Variants in MED12L observed in about 807,000 individuals in gnomAD.
The protein encoded by MED12L is mediator of RNA polymerase II transcription subunit 12-like protein.
Under a neutral mutation model 281.3 loss-of-function variants are expected in MED12L, and 60 were observed. That is an observed-to-expected ratio of 0.21 (90% confidence interval 0.17 to 0.26). The LOEUF is 0.26. Among genes scored for constraint, MED12L ranks in the 10% least tolerant of loss-of-function variants. MED12L has a pLI of 1.00. For synonymous variants in MED12L, 974 were observed against 987.2 expected, an observed-to-expected ratio of 0.99 and a Z score of 0.25; for missense variants, 2,146 against 2,680.9, an observed-to-expected ratio of 0.80 and a Z score of 4.41.
chr3:151,368,549 G>A lies in MED12L; in HGVS notation c.3550+298G>A, dbSNP rs185737465. Among the ~76,000 whole-genome samples, 294 of 151,242 alleles carry A rather than the reference G, an allele frequency of 1.9e-3. 1 individual carries two copies. The highest frequency in any genetic ancestry group is 2.4e-3 in the Non-Finnish European group (163 of 67,876). On this transcript the variant is annotated intron_variant, in intron 25 of 44. Transcript: ENST00000687756. ...GTCCTCTCACGTACTGTGTGTGTTGGTTCTGAACCACATCACAGCAGCTTA... is the reference window on the plus strand; with the variant it reads ...GTCCTCTCACGTACTGTGTGTGTTGATTCTGAACCACATCACAGCAGCTTA...
intron 38 of MED12L, 79 bp from the exon 39 acceptor site, chr3:151,394,577 A>C: frequency 6.3e-7 from 1 of 1,580,204 alleles, no homozygotes; most frequent in Non-Finnish European, 8.6e-7. Flanking sequence ...TAGAAGGTGA[A>C]ATTTCTGTGT....
chr3:151,143,706 C>T (rs377661003), intron 5 of MED12L, among the ~76,000 whole-genome samples: 2 of 152,072 alleles, frequency 1.3e-5, no homozygotes, highest in African/African-American at 4.8e-5. Context: ...AAGACCTGGC[C>T]AGAGGAGTGC....
intron 13 of MED12L, among the ~76,000 whole-genome samples, chr3:151,190,202 G>A (rs1177107132): frequency 1.1e-4 from 17 of 148,640 alleles, no homozygotes; most frequent in African/African-American, 2.5e-4. Flanking sequence ...ATGGAGTTTC[G>A]CTCTTGTCGC....
chr3:151,409,190 A>G (rs1209683450), intron 39 of MED12L, 53 bp from the exon 40 acceptor site: 3 of 1,416,706 alleles, frequency 2.1e-6, no homozygotes, highest in Non-Finnish European at 2.9e-6. Flanking sequence ...CCAGAAGCTC[A>G]AATCAAGCCC....
In MED12L at chr3:151,211,500, C is replaced by T. The variant is rs559285716; in HGVS notation, c.2250+17834C>T. 1.9e-4 allele frequency among the ~76,000 whole-genome samples: 29 copies of T among 150,994 alleles called. No individual in the cohort carries two copies. In the South Asian group the frequency reaches 5.0e-3, roughly 26 times the overall value. ...AATTTTCGTTTTTTATTTTTTGAGA[C>T]GGTCTGATTGACCCAGAATTGGGAA... is the stretch of plus-strand genomic sequence containing the variant. On this transcript the variant is annotated intron_variant, in intron 16 of 44. Coordinates refer to ENST00000687756, the MANE Select transcript of MED12L (RefSeq NM_001393769.1).
rs558714560 is a variant in MED12L, at chr3:151,298,727, A to G, written c.2251-51332A>G. Among the ~76,000 whole-genome samples, 91 of 152,348 alleles carry G rather than the reference A, an allele frequency of 6.0e-4. 1 individual carries two copies. Among genetic ancestry groups the G allele is most frequent in the African/African-American group, 2.1e-3 (89 of 41,590 alleles). ...AATAGGTTTGTGCATGTGTGTGTAC[A>G]GGACTGAGTGTGTGTGTTGGGGAAT... On this transcript the variant is annotated intron_variant, in intron 16 of 44. Coordinates refer to ENST00000687756, the MANE Select transcript of MED12L (RefSeq NM_001393769.1).
intron 16 of MED12L, among the ~76,000 whole-genome samples, chr3:151,207,660 A>G (rs1263171932): frequency 6.6e-6 from 1 of 152,182 alleles, no homozygotes; most frequent in Non-Finnish European, 1.5e-5. Flanking sequence ...AGGTGAATCT[A>G]CCAACATTGG....
chr3:151,238,862 G>A (rs1733470167), intron 16 of MED12L, among the ~76,000 whole-genome samples: 1 of 152,136 alleles, frequency 6.6e-6, no homozygotes, highest in South Asian at 2.1e-4. Flanking sequence ...TTGTATAATT[G>A]AGTTATAAGC....
At chr3:151,236,328 G>A (rs927191448) in intron 16 of MED12L, among the ~76,000 whole-genome samples, 1 of 152,166 alleles carries the variant, frequency 6.6e-6, no homozygotes, top group Non-Finnish European at 1.5e-5. Context: ...GTGCATAGTA[G>A]ATTAACATAT....
At chr3:151,104,452 T>A (rs1004767944) in intron 2 of MED12L, among the ~76,000 whole-genome samples, 2 of 152,148 alleles carry the variant, frequency 1.3e-5, no homozygotes, top group African/African-American at 2.4e-5. Flanking sequence ...TAGAAATCAG[T>A]CCCTATTGCT....
intron 16 of MED12L, chr3:151,269,690 A>G (rs1410869147): frequency 2.4e-6 from 1 of 417,706 alleles, no homozygotes; most frequent in Non-Finnish European, 4.6e-6. Context: ...TTACAGAAAG[A>G]TTTTTATTTT....
chr3:151,237,904 T>C (rs1347533598), intron 16 of MED12L, among the ~76,000 whole-genome samples: 1 of 152,220 alleles, frequency 6.6e-6, no homozygotes, highest in Admixed American at 6.5e-5. Context: ...GGGTTGTTTA[T>C]GCTGTTACTG....
chr3:151,415,285 C>T (rs900232208), intron 42 of MED12L, among the ~76,000 whole-genome samples: 1 of 152,174 alleles, frequency 6.6e-6, no homozygotes, highest in African/African-American at 2.4e-5. Context: ...CAGGATTATA[C>T]TTCTTTTTTG....
rs150238875 is a variant in MED12L, at chr3:151,213,652, C to T, written c.2250+19986C>T. 7.4e-6 allele frequency: 12 copies of T among 1,613,922 alleles called. No homozygotes were observed. Among genetic ancestry groups the T allele is most frequent in the East Asian group, 2.2e-5 (1 of 44,896 alleles). On this transcript the variant is annotated intron_variant, in intron 16 of 44. Coordinates refer to ENST00000687756, the MANE Select transcript of MED12L (RefSeq NM_001393769.1). The stretch of plus-strand genomic sequence containing the variant: ...TTTCTTTTTGACCGAAGTGGAATTC[C>T]GACTTGACTTAAGGTGGGACTTAAA...
chr3:151,403,848 A>G (rs1236992888), intron 39 of MED12L, among the ~76,000 whole-genome samples: 2 of 152,230 alleles, frequency 1.3e-5, no homozygotes, highest in East Asian at 3.8e-4. Context: ...TACTTGTTGT[A>G]TAAGCATTTT....
At chr3:151,097,535 A>G (rs777855066) in intron 2 of MED12L, among the ~76,000 whole-genome samples, 23 of 152,176 alleles carry the variant, frequency 1.5e-4, no homozygotes, top group Non-Finnish European at 2.2e-4. Flanking sequence ...TTCTTTTATG[A>G]ATGCATATGA....
At chr3:151,259,117 C>T (rs1158582347) in intron 16 of MED12L, among the ~76,000 whole-genome samples, 1 of 152,122 alleles carries the variant, frequency 6.6e-6, no homozygotes, top group Non-Finnish European at 1.5e-5. Flanking sequence ...CCTTTTTTAA[C>T]ACATGGACTG....
At chr3:151,132,011 C>G (rs984995017) in intron 5 of MED12L, among the ~76,000 whole-genome samples, 5 of 152,074 alleles carry the variant, frequency 3.3e-5, no homozygotes, top group Non-Finnish European at 7.3e-5. Flanking sequence ...CAGTATATTG[C>G]AGTTCATGGG....
At chr3:151,363,396 A>G (rs1754868581) in intron 21 of MED12L, among the ~76,000 whole-genome samples, 1 of 152,056 alleles carries the variant, frequency 6.6e-6, no homozygotes, top group East Asian at 1.9e-4. Flanking sequence ...TGAGAGGAGT[A>G]TTTTTTTCTG....
Sources: gnomAD v4.1 joint callset for allele counts (sites outside exome capture counted in the v4.1 genomes callset) on GRCh38, gnomAD v4.1.1 for gene constraint, MANE v1.5 for transcripts, NCBI Gene and HGNC (gene_info 2026-07-23, HGNC 2026-07-21) for gene names.